C1orf216: variants seen among roughly 807,000 people sequenced by gnomAD.
C1orf216 encodes the protein chromosome 1 open reading frame 216, also known as UPF0500 protein C1orf216.
C1orf216 carries 18 observed loss-of-function variants against 16.4 expected under a neutral mutation model. The observed-to-expected ratio is 1.10, with a 90% CI of 0.76 to 1.63. The LOEUF is 1.63. Among genes scored for constraint, C1orf216 ranks in the 40% most tolerant of loss-of-function variants. The pLI is 0.00. For synonymous variants in C1orf216, 115 were observed against 116.9 expected, an observed-to-expected ratio of 0.98 and a Z score of 0.11; for missense variants, 271 against 297.6, an observed-to-expected ratio of 0.91 and a Z score of 0.66.
In C1orf216 at chr1:35,714,242, G is replaced by A. The variant is rs1367918340; in HGVS notation, c.*1390C>T. 1 of 152,182 alleles carries A rather than the reference G, an allele frequency of 6.6e-6. No individual in the cohort carries two copies. The highest frequency in any genetic ancestry group is 6.5e-5 in the Admixed American group (1 of 15,272). The allele number at this position is 152,182 out of a possible 1,614,324, so 9.4% of individuals were successfully genotyped here. A position where few individuals can be genotyped will look rare whatever the true frequency, so the allele number is the denominator to read the frequency against. Reference sequence around the variant, plus strand: ...GTTCTCTCCAAGACTCACCCACTCTGTAACTCGCGGAGCCTGCCAATCCCT... The same window carrying A: ...GTTCTCTCCAAGACTCACCCACTCTATAACTCGCGGAGCCTGCCAATCCCT... On this transcript the variant is annotated 3_prime_UTR_variant, in exon 2 of 2. Transcript: ENST00000270815.
intron 1 of C1orf216, among the ~76,000 whole-genome samples, chr1:35,717,469 C>T (rs1640972921): frequency 6.6e-6 from 1 of 152,160 alleles, no homozygotes; most frequent in African/African-American, 2.4e-5. Context: ...CAAAGCTCCT[C>T]CCTTCTCCAC....
Position 35,715,940 on chromosome 1 carries a change from C to T in C1orf216, c.382G>A (p.Glu128Lys), listed in dbSNP as rs758590626. The change falls in exon 2 of 2, where the codon GAG becomes AAG. Residue 128 changes from glutamate (E) to lysine (K), a missense_variant. Physicochemically the swap from Glu to Lys is moderately conservative, Grantham distance 56. This residue lies in a region of C1orf216 where 220 missense variants were observed against 227.8 expected (regional missense o/e 0.97). Transcript: ENST00000270815. This position sits in a 1 kb window ranked among gnomAD's most constrained non-coding sequence, Gnocchi z 4.3. ...CCTCGCGGGGTCCCACAGGCAGGCT[C>T]AGGACTGCTGCTACGGCTGTCAATG... Reference protein sequence around the residue: ...LSIDSRSSSPEPACGTPRGPG... With the variant: ...LSIDSRSSSPKPACGTPRGPG... 3.1e-6 allele frequency: 5 copies of T among 1,614,126 alleles called. No homozygotes were observed. Among genetic ancestry groups the T allele is most frequent in the Non-Finnish European group, 4.2e-6 (5 of 1,180,024 alleles).
chr1:35,718,526 G>T (rs1640988978), intron 1 of C1orf216, among the ~76,000 whole-genome samples, 181 bp downstream of exon 1: 1 of 152,174 alleles, frequency 6.6e-6, no homozygotes, highest in East Asian at 1.9e-4. Flanking sequence ...GACACGCCAG[G>T]ACTAGGTCTC....
chr1:35,716,535 CT>C, intron 1 of C1orf216: 1 of 589,150 alleles, frequency 1.7e-6, no homozygotes, highest in South Asian at 2.1e-5. Flanking sequence ...AGGGTTTTTC[CT>C]CCGTCCTCAG....
intron 1 of C1orf216, 95 bp from the exon 2 acceptor site, chr1:35,716,421 G>A: frequency 9.1e-7 from 1 of 1,096,688 alleles, no homozygotes; most frequent in Non-Finnish European, 1.3e-6. Context: ...CTGCAAGCAA[G>A]AGCCTGGCCA....
intron 1 of C1orf216, among the ~76,000 whole-genome samples, chr1:35,718,194 A>G (rs1640981383): frequency 6.6e-6 from 1 of 152,168 alleles, no homozygotes; most frequent in African/African-American, 2.4e-5. Context: ...CTACTGACCA[A>G]ACAGCACTGG....
intron 1 of C1orf216, among the ~76,000 whole-genome samples, chr1:35,717,696 G>T (rs1640975625): frequency 6.6e-6 from 1 of 152,162 alleles, no homozygotes; most frequent in Non-Finnish European, 1.5e-5. Context: ...ATCAGTGAAT[G>T]TCTATTCAAC....
chr1:35,714,603 G>C lies in C1orf216; in HGVS notation c.*1029C>G, dbSNP rs948202519. Reference sequence around the variant, plus strand: ...GCAACAGCTCCTTTTCCAATGGAGAGATGGTTTGTTTGGGAACTGGTATTT... The same window carrying C: ...GCAACAGCTCCTTTTCCAATGGAGACATGGTTTGTTTGGGAACTGGTATTT... On this transcript the variant is annotated 3_prime_UTR_variant, in exon 2 of 2. Transcript: ENST00000270815. 1.3e-5 allele frequency: 2 copies of C among 152,204 alleles called. No homozygotes were observed. The highest frequency in any genetic ancestry group is 2.9e-5 in the Non-Finnish European group (2 of 68,036). The allele number at this position is 152,204 out of a possible 1,614,324, so 9.4% of individuals were successfully genotyped here.
In C1orf216 at chr1:35,715,481, C is replaced by T. The variant is rs1640936014; in HGVS notation, c.*151G>A. ...TTAAGCTCATTTATACATGCTTATT[C>T]ACACATGCCTACACACACCAGCCTA... On this transcript the variant is annotated 3_prime_UTR_variant, in exon 2 of 2. Transcript: ENST00000270815. This position sits in a 1 kb window ranked among gnomAD's most constrained non-coding sequence, Gnocchi z 4.3. 1 of 849,228 alleles carries T rather than the reference C, an allele frequency of 1.2e-6. No homozygotes were observed. 52.6% of individuals were successfully genotyped at this position (849,228 alleles called of 1,614,324 possible). A position where few individuals can be genotyped will look rare whatever the true frequency, so the allele number is the denominator to read the frequency against.
In C1orf216 at chr1:35,716,293, T is replaced by A; in HGVS notation, c.29A>T (p.Glu10Val). 1 of 1,613,834 alleles carries A rather than the reference T, an allele frequency of 6.2e-7. No individual in the cohort carries two copies. The highest frequency in any genetic ancestry group is 1.1e-5 in the South Asian group (1 of 91,014). ...TGGGTCCCCCAGGAATTGGCCCCCC[T>A]CAGCTAGCCCTGGCTGGATGGCGAA... MFAIQPGLA[E>V]GGQFLGDPPP... Residue 10 changes from glutamate to valine, a missense_variant, in exon 2 of 2, where the codon GAG (glutamate) becomes GTG (valine). Physicochemically the swap from Glu to Val is moderately radical, Grantham distance 121 (BLOSUM62 -2). Coordinates refer to ENST00000270815, the MANE Select transcript of C1orf216 (RefSeq NM_152374.2).
At position 35,715,819 on chromosome 1, in the gene C1orf216, T is replaced by G; in HGVS notation, c.503A>C (p.His168Pro). 1.9e-6 allele frequency: 3 copies of G among 1,614,238 alleles called. No individual in the cohort carries two copies. Among genetic ancestry groups the G allele is most frequent in the Non-Finnish European group, 2.5e-6 (3 of 1,180,042 alleles). The change falls in exon 2 of 2, where the codon CAC (histidine) becomes CCC (proline). Residue 168 changes from histidine (H) to proline (P), a missense_variant. Around this residue, in one of 3 missense-constraint regions of C1orf216, gnomAD observed 220 missense variants for 227.8 expected, o/e 0.97. Transcript: ENST00000270815. This position sits in a 1 kb window ranked among gnomAD's most constrained non-coding sequence, Gnocchi z 4.3. ...ACGGTACATCACCAAGTGCACGTGG[T>G]GCTTTTCCTTCTCCTGCTCTTTGTA... is the stretch of plus-strand genomic sequence containing the variant. ...ERYKEQEKEKHHVHLVMYRRL... is the reference protein window; with the variant it reads ...ERYKEQEKEKPHVHLVMYRRL...
chr1:35,718,106 G>C (rs540326543), intron 1 of C1orf216, among the ~76,000 whole-genome samples: 3 of 152,286 alleles, frequency 2.0e-5, no homozygotes, highest in African/African-American at 7.2e-5. Flanking sequence ...GCCCTGGAGG[G>C]AGGGCATACC....
intron 1 of C1orf216, among the ~76,000 whole-genome samples, chr1:35,717,656 T>G (rs1320959894): frequency 6.6e-6 from 1 of 152,216 alleles, no homozygotes; most frequent in Non-Finnish European, 1.5e-5. Flanking sequence ...TATCCAACTT[T>G]GCATCCGTCC....
In C1orf216 at chr1:35,716,023, C is replaced by T. The variant is rs1309892913; in HGVS notation, c.299G>A (p.Gly100Asp). ...IPGAEPEKMG[G>D]AGTVCSPLED... The stretch of plus-strand genomic sequence containing the variant: ...CAGAGGGGAGCAGACTGTGCCAGCA[C>T]CACCCATCTTCTCAGGCTCAGCCCC... Residue 100 changes from glycine to aspartate, a missense_variant, in exon 2 of 2, where the codon GGT becomes GAT. By Grantham distance (94) the Gly-to-Asp change is moderately conservative. Around this residue, in one of 3 missense-constraint regions of C1orf216, gnomAD observed 220 missense variants for 227.8 expected, o/e 0.97. Transcript: ENST00000270815. The T allele has an allele frequency of 6.2e-7, 1 of 1,613,978 alleles. No individual in the cohort carries two copies. Among genetic ancestry groups the T allele is most frequent in the African/African-American group, 1.3e-5 (1 of 74,944 alleles).
chr1:35,716,975 T>TG (rs1326819025), intron 1 of C1orf216: 1 of 153,152 alleles, frequency 6.5e-6, no homozygotes, highest in Non-Finnish European at 1.5e-5. Context: ...CCAGCCTGGG[T>TG]GACAGAGTGA....
Position 35,715,274 on chromosome 1 carries a change from C to A in C1orf216, c.*358G>T, listed in dbSNP as rs1027239389. The A allele has an allele frequency of 1.0e-4, 30 of 292,218 alleles. No individual in the cohort carries two copies. The highest frequency in any genetic ancestry group is 6.5e-4 in the African/African-American group (30 of 46,490). The allele number at this position is 292,218 out of a possible 1,614,324, so 18.1% of individuals were successfully genotyped here. A position where few individuals can be genotyped will look rare whatever the true frequency, so the allele number is the denominator to read the frequency against. On this transcript the variant is annotated 3_prime_UTR_variant, in exon 2 of 2. Coordinates refer to ENST00000270815, the MANE Select transcript of C1orf216 (RefSeq NM_152374.2). This position sits in a 1 kb window ranked among gnomAD's most constrained non-coding sequence, Gnocchi z 4.3. ...CAAACTCACTCATAGACACACACAT[C>A]TTCTGCCTATACATCCTCACTCATG... is the stretch of plus-strand genomic sequence containing the variant.
chr1:35,715,588 G>A lies in C1orf216; in HGVS notation c.*44C>T, dbSNP rs1360253945. On this transcript the variant is annotated 3_prime_UTR_variant, in exon 2 of 2. Transcript: ENST00000270815. This position sits in a 1 kb window ranked among gnomAD's most constrained non-coding sequence, Gnocchi z 4.3. ...TTACTAGTGCGCCTCACACATGCCT[G>A]CAAATATATACATATACCCTTGCAC... is the stretch of plus-strand genomic sequence containing the variant. The A allele has an allele frequency of 1.3e-6, 2 of 1,546,142 alleles. No homozygotes were observed. The highest frequency in any genetic ancestry group is 2.0e-5 in the Admixed American group (1 of 50,842).
In C1orf216 at chr1:35,715,498, A is replaced by G; in HGVS notation, c.*134T>C. On this transcript the variant is annotated 3_prime_UTR_variant, in exon 2 of 2. Coordinates refer to ENST00000270815, the MANE Select transcript of C1orf216 (RefSeq NM_152374.2). The surrounding 1 kb of genome is among the most constrained non-coding windows in gnomAD (Gnocchi z 4.3). ...TGCTTATTCACACATGCCTACACAC[A>G]CCAGCCTACATGTTAGCACATACAC... 9.9e-7 allele frequency: 1 copy of G among 1,008,332 alleles called. No individual in the cohort carries two copies. The highest frequency in any genetic ancestry group is 1.4e-6 in the Non-Finnish European group (1 of 697,826). 62.5% of individuals were successfully genotyped at this position (1,008,332 alleles called of 1,614,324 possible).
intron 1 of C1orf216, among the ~76,000 whole-genome samples, chr1:35,717,225 G>C (rs1031683518): frequency 2.0e-5 from 3 of 151,940 alleles, no homozygotes; most frequent in South Asian, 2.1e-4. Flanking sequence ...TCTGCCTCCA[G>C]TTAAAAATGT....
Sources: gnomAD v4.1 joint callset for allele counts (sites outside exome capture counted in the v4.1 genomes callset) on GRCh38, gnomAD v4.1.1 for gene constraint, gnomAD v4.1.1 regional missense constraint, Gnocchi (gnomAD v3.1) non-coding constraint, MANE v1.5 for transcripts, NCBI Gene and HGNC (gene_info 2026-07-23, HGNC 2026-07-21) for gene names.